Variants in LIFR observed in about 807,000 individuals in gnomAD.
LIFR encodes leukemia inhibitory factor receptor.
In LIFR, 84 loss-of-function variants were observed where a neutral mutation model predicts 122.2. That is an observed-to-expected ratio of 0.69 (90% CI 0.58 to 0.82). The LOEUF is 0.82. Among genes scored for constraint, LIFR ranks in the 40% least tolerant of loss-of-function variants. The pLI is 0.00. For synonymous variants in LIFR, 422 were observed against 434.7 expected (o/e 0.97, Z 0.36); for missense variants, 1,294 against 1,311.6 (o/e 0.99, Z 0.21).
chr5:38,512,963 A>C (rs777092310), intron 5 of LIFR, among the ~76,000 whole-genome samples: 1 of 152,152 alleles, frequency 6.6e-6, no homozygotes, highest in Non-Finnish European at 1.5e-5. Context: ...TTTAAATAGA[A>C]GATTAAATAT....
At chr5:38,540,428 T>A (rs777413390) in intron 1 of LIFR, among the ~76,000 whole-genome samples, 6 of 152,200 alleles carry the variant, frequency 3.9e-5, no homozygotes, top group African/African-American at 1.4e-4. Flanking sequence ...GATCAGACAG[T>A]CTATGTTCAG....
At chr5:38,511,703 G>A in intron 6 of LIFR, 87 bp downstream of exon 6, 1 of 1,285,514 alleles carries the variant, frequency 7.8e-7, no homozygotes, top group South Asian at 1.2e-5. Flanking sequence ...ATGAGGTTAT[G>A]AGAAGTGAAA....
At chr5:38,503,451 C>T (rs897205834) in intron 10 of LIFR, among the ~76,000 whole-genome samples, 2 of 152,166 alleles carry the variant, frequency 1.3e-5, no homozygotes, top group Non-Finnish European at 2.9e-5. Flanking sequence ...ACAGTTGTGA[C>T]TGATTTTCTA....
intron 2 of LIFR, among the ~76,000 whole-genome samples, chr5:38,530,128 C>T (rs1161959712): frequency 1.3e-5 from 2 of 152,120 alleles, no homozygotes; most frequent in East Asian, 3.8e-4. Flanking sequence ...CAAGGCAGTG[C>T]TGGCAGGGGA....
In LIFR at chr5:38,481,759, A is replaced by G; in HGVS notation, c.3130T>C (p.Ser1044Pro). 2 of 1,614,128 alleles carry G rather than the reference A, an allele frequency of 1.2e-6. No homozygotes were observed. Among genetic ancestry groups the G allele is most frequent in the Non-Finnish European group, 1.7e-6 (2 of 1,180,028 alleles). Residue 1044 changes from serine to proline, a missense_variant, in exon 20 of 20, where the codon TCT (serine) becomes CCT (proline). By Grantham distance (74) the Ser-to-Pro change is moderately conservative. Transcript: ENST00000453190. ...VNTWNLVSPD[S>P]PRSIDSNSEI... ...CTGTTGCTGTCTATGGATCTAGGAG[A>G]GTCTGGAGACACTAAATTCCATGTA...
chr5:38,492,774 A>C (rs2112412572), intron 14 of LIFR, among the ~76,000 whole-genome samples: 1 of 152,276 alleles, frequency 6.6e-6, no homozygotes, highest in African/African-American at 2.4e-5. Flanking sequence ...CACGCGAGGG[A>C]GGCAGGAGAC....
At chr5:38,506,445 T>C in intron 8 of LIFR, 58 bp downstream of exon 8, 1 of 1,593,592 alleles carries the variant, frequency 6.3e-7, no homozygotes, top group African/African-American at 1.3e-5. Context: ...CTATGTCATT[T>C]AACATGCACT....
At chr5:38,515,014 C>T (rs1029641129) in intron 5 of LIFR, among the ~76,000 whole-genome samples, 2 of 152,084 alleles carry the variant, frequency 1.3e-5, no homozygotes, top group Non-Finnish European at 2.9e-5. Flanking sequence ...AAGAGAACGA[C>T]TGGAGATTTG....
intron 5 of LIFR, among the ~76,000 whole-genome samples, chr5:38,514,567 TA>T (rs1195926662): frequency 6.6e-6 from 1 of 152,250 alleles, no homozygotes; most frequent in Non-Finnish European, 1.5e-5. Context: ...GACAAGCTTT[TA>T]AATTTTTAAA....
At position 38,512,973 on chromosome 5, in the gene LIFR, T is replaced by C. The variant is rs186695217; in HGVS notation, c.562-1009A>G. On this transcript the variant is annotated intron_variant, in intron 5 of 19. Coordinates refer to ENST00000453190, the MANE Select transcript of LIFR (RefSeq NM_001127671.2). ...TTATTTTTAAATAGAAGATTAAATA[T>C]GTAAGTTATACTAATACAAATTATT... Among the ~76,000 whole-genome samples the C allele has an allele frequency of 7.9e-5, 12 of 152,282 alleles. No individual in the cohort carries two copies. In the East Asian group the frequency reaches 1.5e-3, roughly 20 times the overall value.
At position 38,480,828 on chromosome 5, in the gene LIFR, A is replaced by G. The variant is rs555282081; in HGVS notation, c.*767T>C. ...CTTAGAAGTGTAAATTTTAAATATT[A>G]GGGCAACCAACTGAAATAATGGAAG... is the stretch of plus-strand genomic sequence containing the variant. On this transcript the variant is annotated 3_prime_UTR_variant, in exon 20 of 20. Transcript: ENST00000453190. 7.3e-4 allele frequency: 158 copies of G among 215,250 alleles called. 1 individual carries two copies. Among genetic ancestry groups the G allele is most frequent in the African/African-American group, 3.4e-3 (149 of 44,454 alleles). 13.3% of individuals were successfully genotyped at this position (215,250 alleles called of 1,614,324 possible). A position where few individuals can be genotyped will look rare whatever the true frequency, so the allele number is the denominator to read the frequency against.
chr5:38,514,497 A>G (rs535277861), intron 5 of LIFR, among the ~76,000 whole-genome samples: 1 of 152,294 alleles, frequency 6.6e-6, no homozygotes, highest in South Asian at 2.1e-4. Context: ...AGCATTTTAC[A>G]CTCTGCCCAG....
chr5:38,519,172 A>G (rs1746267625), intron 5 of LIFR, among the ~76,000 whole-genome samples: 2 of 152,244 alleles, frequency 1.3e-5, no homozygotes, highest in East Asian at 1.9e-4. Context: ...AAAAAGTTTT[A>G]TAAGTTTAGT....
intron 1 of LIFR, among the ~76,000 whole-genome samples, chr5:38,573,709 T>C (rs1210637686): frequency 6.6e-6 from 1 of 152,228 alleles, no homozygotes; most frequent in Non-Finnish European, 1.5e-5. Context: ...AATGACTGGA[T>C]GAATACTGAA....
chr5:38,523,687 CA>C (rs1201884195), intron 4 of LIFR, 105 bp from the exon 5 acceptor site: 9 of 921,474 alleles, frequency 9.8e-6, no homozygotes, highest in Non-Finnish European at 1.4e-5. Flanking sequence ...CCTTCTTGAT[CA>C]AAAAATCAAT....
upstream of LIFR, among the ~76,000 whole-genome samples, chr5:38,598,045 A>G (rs1750140973): frequency 1.3e-5 from 2 of 151,738 alleles, no homozygotes; most frequent in Non-Finnish European, 2.9e-5. Context: ...AGGTTGAGAA[A>G]CACTGATTAG....
chr5:38,493,797 A>G lies in LIFR; in HGVS notation c.1886-12T>C, dbSNP rs771835895. On this transcript the variant is annotated splice_polypyrimidine_tract_variant and intron_variant, in intron 13 of 19. Transcript: ENST00000453190. ...TATTTTGAGATCATCTTCAATAAGA[A>G]AGGAGGATATTTTACTGGCATTAAA... The G allele has an allele frequency of 1.2e-6, 2 of 1,610,916 alleles. No individual in the cohort carries two copies. The highest frequency in any genetic ancestry group is 2.7e-5 in the African/African-American group (2 of 74,836).
intron 15 of LIFR, 131 bp from the exon 16 acceptor site, chr5:38,489,376 C>CAG (rs1319668941): frequency 1.3e-6 from 1 of 791,948 alleles, no homozygotes; most frequent in Non-Finnish European, 2.1e-6. Context: ...CATAAACTTT[C>CAG]AGAGAGAGAT....
chr5:38,595,840 C>T (rs1473891641), upstream of LIFR, among the ~76,000 whole-genome samples: 1 of 146,456 alleles, frequency 6.8e-6, no homozygotes, highest in East Asian at 2.1e-4. Flanking sequence ...TCCTGCCATT[C>T]TCCTGCCTCA....
Sources: allele counts gnomAD v4.1 joint callset (sites outside exome capture counted in the v4.1 genomes callset), GRCh38; gene constraint gnomAD v4.1.1; transcripts MANE v1.5; gene names NCBI Gene and HGNC (gene_info 2026-07-23, HGNC 2026-07-21).